IQANK1: variants seen among roughly 807,000 people sequenced by gnomAD.
IQANK1 encodes IQ motif and ankyrin repeat domain-containing protein 1.
Under a neutral mutation model 22.6 loss-of-function variants are expected in IQANK1, and 30 were observed. That is an observed-to-expected ratio of 1.33 (90% CI 0.99 to 1.80). The LOEUF is 1.80. Ranked by LOEUF, IQANK1 falls within the 40% of genes most tolerant of loss-of-function variation. The pLI, the probability that IQANK1 is intolerant of heterozygous loss-of-function variation, is 0.00. For synonymous variants in IQANK1, 122 were observed against 99.6 expected, an observed-to-expected ratio of 1.23 and a Z score of -1.34; for missense variants, 275 against 235.2, an observed-to-expected ratio of 1.17 and a Z score of -1.11.
At chr8:143,787,255 C>T (rs888481427) in intron 7 of IQANK1, among the ~76,000 whole-genome samples, 1 of 152,132 alleles carries the variant, frequency 6.6e-6, no homozygotes, top group Non-Finnish European at 1.5e-5. Flanking sequence ...TTGATTTTGG[C>T]CCTGGTGGGC....
intron 3 of IQANK1, among the ~76,000 whole-genome samples, chr8:143,743,443 T>G (rs1433483577): frequency 6.6e-6 from 1 of 152,206 alleles, no homozygotes; most frequent in African/African-American, 2.4e-5. Flanking sequence ...CCATCTTTTT[T>G]TCGTCTTTAC....
At chr8:143,747,913 C>CTTTCCTTTCCTTTCCTTTCCT (rs1819061706) in intron 3 of IQANK1, among the ~76,000 whole-genome samples, 2 of 54,696 alleles carry the variant, frequency 3.7e-5, no homozygotes, top group Non-Finnish European at 6.3e-5. Context: ...GTGTTAAGTC[C>CTTTCCTTTCCTTTCCTTTCCT]TTTCCTTTCC....
intron 7 of IQANK1, among the ~76,000 whole-genome samples, chr8:143,776,170 A>G (rs1256026092): frequency 6.6e-6 from 1 of 150,538 alleles, no homozygotes; most frequent in Non-Finnish European, 1.5e-5. Context: ...AAATACAACA[A>G]ATTAGCCGGG....
chr8:143,779,735 A>G (rs1819758992), intron 7 of IQANK1, among the ~76,000 whole-genome samples: 1 of 152,226 alleles, frequency 6.6e-6, no homozygotes, highest in Non-Finnish European at 1.5e-5. Context: ...GTTTCCATAT[A>G]TTCAGAAATG....
chr8:143,786,916 A>C (rs904258924), intron 7 of IQANK1, among the ~76,000 whole-genome samples: 28 of 152,318 alleles, frequency 1.8e-4, no homozygotes, highest in African/African-American at 6.7e-4. Context: ...GGAATGAGGC[A>C]CAGAGGCTGG....
chr8:143,746,047 C>G (rs1819025987), intron 3 of IQANK1: 1 of 152,236 alleles, frequency 6.6e-6, no homozygotes, highest in South Asian at 2.1e-4. Context: ...CCGTACCTTG[C>G]CCTTGGTGGA....
chr8:143,738,495 C>T (rs1818803988), intron 2 of IQANK1, among the ~76,000 whole-genome samples: 1 of 152,206 alleles, frequency 6.6e-6, no homozygotes. Flanking sequence ...TTTATAGGGA[C>T]TCCACGGCGC....
chr8:143,764,100 C>T (rs1246436681), intron 3 of IQANK1, among the ~76,000 whole-genome samples: 2 of 152,132 alleles, frequency 1.3e-5, no homozygotes, highest in Non-Finnish European at 2.9e-5. Context: ...ATACTCTCAG[C>T]AGTCACAGAA....
At chr8:143,738,359 G>A (rs1436106291) in intron 2 of IQANK1, among the ~76,000 whole-genome samples, 3 of 152,190 alleles carry the variant, frequency 2.0e-5, no homozygotes, top group Non-Finnish European at 4.4e-5. Flanking sequence ...GTGCTCCCAC[G>A]CCAGGCTTGG....
In IQANK1 at chr8:143,771,696, G is replaced by T. The variant is rs1368565320; in HGVS notation, c.306+78G>T. 2.5e-6 allele frequency: 1 copy of T among 398,076 alleles called. No homozygotes were observed. Among genetic ancestry groups the T allele is most frequent in the Non-Finnish European group, 4.4e-6 (1 of 225,874 alleles). The allele number at this position is 398,076 out of a possible 1,614,324, so 24.7% of individuals were successfully genotyped here. A position where few individuals can be genotyped will look rare whatever the true frequency, so the allele number is the denominator to read the frequency against. On this transcript the variant is annotated intron_variant, in intron 4 of 13. Transcript: ENST00000527139. This position sits in a 1 kb window ranked among gnomAD's most constrained non-coding sequence, Gnocchi z 6.0. ...AAATGGCGAAGCAGGGTGCGTGGTG[G>T]GGGTGAGGCTCAGATCGGGCTCCGA...
rs868945674 is a variant in IQANK1 at position 143,769,368 on chromosome 8, A to T, written c.176-2120A>T. 3.0e-4 allele frequency among the ~76,000 whole-genome samples: 44 copies of T among 148,174 alleles called. 1 individual carries two copies. In the Middle Eastern group the frequency reaches 0.018, roughly 61 times the overall value. On this transcript the variant is annotated intron_variant, in intron 3 of 13. Transcript: ENST00000527139. ...AGCCATTGCACTTGGCCCTATATATATTTTTTTAAAGAGAGACAGGGTCTC... is the reference window on the plus strand; with the variant it reads ...AGCCATTGCACTTGGCCCTATATATTTTTTTTTAAAGAGAGACAGGGTCTC...
chr8:143,746,195 T>C (rs1052883123), intron 3 of IQANK1: 1 of 152,270 alleles, frequency 6.6e-6, no homozygotes, highest in Admixed American at 6.5e-5. Flanking sequence ...CCCAGCACTA[T>C]GCTGAATAGA....
At chr8:143,788,892 C>T (rs889117483) in intron 7 of IQANK1, 23 bp from the exon 8 acceptor site, 2 of 398,900 alleles carry the variant, frequency 5.0e-6, no homozygotes, top group African/African-American at 2.1e-5. Flanking sequence ...ACTGAGGGCC[C>T]GACAAATGTC....
intron 3 of IQANK1, among the ~76,000 whole-genome samples, chr8:143,748,766 T>TAATATATAAATATATCATATATA (rs1313620554): frequency 1.0e-5 from 1 of 98,864 alleles, no homozygotes; most frequent in Admixed American, 1.4e-4. Context: ...TAAATATATA[T>TAATATATAAATATATCATATATA]AATATATAAA....
chr8:143,762,560 T>C (rs1255571569), intron 3 of IQANK1, among the ~76,000 whole-genome samples: 1 of 152,134 alleles, frequency 6.6e-6, no homozygotes, highest in Non-Finnish European at 1.5e-5. Context: ...TCAGGGGTGC[T>C]GAGACCACCA....
At chr8:143,737,431 C>G (rs1818772501) in intron 2 of IQANK1, among the ~76,000 whole-genome samples, 1 of 152,242 alleles carries the variant, frequency 6.6e-6, no homozygotes, top group Non-Finnish European at 1.5e-5. Context: ...TTCCACCAAG[C>G]ATTGGGCCAG....
chr8:143,776,961 A>T (rs573240026), intron 7 of IQANK1, among the ~76,000 whole-genome samples: 31 of 149,950 alleles, frequency 2.1e-4, no homozygotes, highest in East Asian at 3.9e-4. Flanking sequence ...TCCTAGAATT[A>T]AAAAAAAAAT....
chr8:143,759,143 A>G, intron 3 of IQANK1: 1 of 296,210 alleles, frequency 3.4e-6, no homozygotes, highest in Non-Finnish European at 6.6e-6. Context: ...ATGCTCCAGG[A>G]GAAGCTCCTG....
intron 3 of IQANK1, chr8:143,760,564 T>C (rs1554628814): frequency 6.7e-6 from 1 of 150,218 alleles, no homozygotes; most frequent in African/African-American, 2.4e-5. Context: ...GTGCCTGTAG[T>C]CCCAGCTTCT....
Sources: allele counts gnomAD v4.1 joint callset (sites outside exome capture counted in the v4.1 genomes callset), GRCh38; gene constraint gnomAD v4.1.1; non-coding constraint Gnocchi (gnomAD v3.1); transcripts MANE v1.5; gene names NCBI Gene and HGNC (gene_info 2026-07-23, HGNC 2026-07-21).